Variants in STARD3NL observed in about 807,000 individuals in gnomAD.
STARD3NL encodes the protein STARD3 N-terminal-like protein.
A neutral mutation model predicts 30.9 loss-of-function variants in STARD3NL; 17 were observed. The ratio of observed to expected loss-of-function variants is 0.55; its 90% CI spans 0.38 to 0.82. STARD3NL has a LOEUF of 0.82. STARD3NL is among the 40% of genes least tolerant of loss of function. The probability of loss-of-function intolerance (pLI) is 0.00; values close to 1 mark genes in which losing one functional copy is unlikely to be tolerated. For missense variants in STARD3NL, 234 were observed against 277.6 expected (o/e 0.84, Z 1.12); for synonymous variants, 112 against 100.5 (o/e 1.11, Z -0.69).
intron 7 of STARD3NL, among the ~76,000 whole-genome samples, chr7:38,224,585 G>C (rs1786649776): frequency 6.6e-6 from 1 of 152,166 alleles, no homozygotes; most frequent in South Asian, 2.1e-4. Context: ...GCTTCGTCCT[G>C]TCCAGAACGT....
At chr7:38,223,479 G>A (rs1786581070) in intron 7 of STARD3NL, among the ~76,000 whole-genome samples, 1 of 152,088 alleles carries the variant, frequency 6.6e-6, no homozygotes, top group Non-Finnish European at 1.5e-5. Context: ...CTTAAAATGA[G>A]GAATTGCTCA....
chr7:38,187,509 CTGTGTGG>C (rs769768962), intron 1 of STARD3NL, among the ~76,000 whole-genome samples: 1 of 152,020 alleles, frequency 6.6e-6, no homozygotes, highest in Admixed American at 6.6e-5. Flanking sequence ...TTTTAAATGC[CTGTGTGG>C]TGTTACATTT....
At chr7:38,226,149 CTTGTT>C (rs1256855484) in intron 7 of STARD3NL, among the ~76,000 whole-genome samples, 1 of 51,740 alleles carries the variant, frequency 1.9e-5, no homozygotes, top group Admixed American at 2.2e-4. Flanking sequence ...CTTTGCCTAT[CTTGTT>C]TTTTTTTTTT....
chr7:38,210,598 C>G (rs1232217703), intron 2 of STARD3NL, among the ~76,000 whole-genome samples: 1 of 152,142 alleles, frequency 6.6e-6, no homozygotes, highest in Non-Finnish European at 1.5e-5. Context: ...TCCAAGGCCT[C>G]TTGGTCCACC....
intron 2 of STARD3NL, among the ~76,000 whole-genome samples, chr7:38,210,817 T>C (rs942195994): frequency 2.6e-5 from 4 of 152,234 alleles, no homozygotes. Flanking sequence ...TTATCAATGC[T>C]TAGTGACTTT....
chr7:38,216,119 T>C (rs1786096651), intron 4 of STARD3NL: 1 of 152,222 alleles, frequency 6.6e-6, no homozygotes, highest in African/African-American at 2.4e-5. Context: ...CAGATCCCTT[T>C]GGGATGTTGT....
Position 38,207,330 on chromosome 7 carries a change from A to T in STARD3NL, c.-58-117A>T, listed in dbSNP as rs1583806375. 18 of 592,864 alleles carry T rather than the reference A, an allele frequency of 3.0e-5. No homozygotes were observed. In the East Asian group the frequency reaches 5.0e-4, roughly 17 times the overall value. The allele number at this position is 592,864 out of a possible 1,614,324, so 36.7% of individuals were successfully genotyped here. On this transcript the variant is annotated intron_variant, in intron 1 of 8. Transcript: ENST00000009041. ...CTCTTTATGTCTTCATGAAAACATA[A>T]ATCAGTCAAGGTACTCTGTTGTTCA... is the stretch of plus-strand genomic sequence containing the variant.
intron 1 of STARD3NL, among the ~76,000 whole-genome samples, chr7:38,180,461 A>G (rs1444245794): frequency 6.6e-6 from 1 of 152,202 alleles, no homozygotes; most frequent in Non-Finnish European, 1.5e-5. Context: ...TGGCAAGTGG[A>G]TTATTGTTCT....
rs1009467048 is a variant in STARD3NL at position 38,228,848 on chromosome 7, A to G, written c.699A>G (p.Glu233=). ...EKQDSEKPLL[E]L ...AGGACAGTGAGAAACCACTTTTAGA[A>G]CTATGAGTACTACTTTTGTTAAAGT... Residue 233 remains glutamate (E), a synonymous_variant, in exon 8 of 9, where the codon GAA becomes GAG. Coordinates refer to ENST00000009041, the MANE Select transcript of STARD3NL (RefSeq NM_032016.4). The G allele has an allele frequency of 4.3e-6, 7 of 1,612,064 alleles. No homozygotes were observed. The highest frequency in any genetic ancestry group is 1.1e-5 in the South Asian group (1 of 90,946).
chr7:38,222,752 T>C (rs976741180), intron 7 of STARD3NL, among the ~76,000 whole-genome samples: 4 of 152,204 alleles, frequency 2.6e-5, no homozygotes, highest in Admixed American at 2.6e-4. Context: ...TTTCATGGTG[T>C]TCCACTGTGT....
chr7:38,192,252 A>T (rs1784718087), intron 1 of STARD3NL, among the ~76,000 whole-genome samples: 1 of 152,114 alleles, frequency 6.6e-6, no homozygotes, highest in Non-Finnish European at 1.5e-5. Flanking sequence ...GAATCACAAA[A>T]TCATAAAAGT....
intron 4 of STARD3NL, chr7:38,216,022 C>T (rs1450710951): frequency 1.3e-5 from 2 of 152,240 alleles, no homozygotes; most frequent in Non-Finnish European, 2.9e-5. Flanking sequence ...CTTGGCCAGA[C>T]TTGACTCCCT....
chr7:38,207,417 A>G, intron 1 of STARD3NL, 30 bp from the exon 2 acceptor site: 4 of 1,084,666 alleles, frequency 3.7e-6, no homozygotes, highest in South Asian at 1.5e-5. Flanking sequence ...GCTTGGATTT[A>G]ACATGGTGTC....
In STARD3NL at chr7:38,180,553, A is replaced by G. The variant is rs987893791; in HGVS notation, c.-59+2133A>G. Among the ~76,000 whole-genome samples, 7 of 152,328 alleles carry G rather than the reference A, an allele frequency of 4.6e-5. No homozygotes were observed. In the South Asian group the frequency reaches 6.2e-4, roughly 14 times the overall value. ...ACGATATGCCAGGTATGTTACATAC[A>G]TTCTATTCCTTCCAACTTGTGGCAA... On this transcript the variant is annotated intron_variant, in intron 1 of 8. Transcript: ENST00000009041.
intron 2 of STARD3NL, among the ~76,000 whole-genome samples, chr7:38,211,233 G>A (rs1291334402): frequency 6.6e-6 from 1 of 152,168 alleles, no homozygotes; most frequent in Non-Finnish European, 1.5e-5. Context: ...TGATGACCAA[G>A]TATAATAGAA....
chr7:38,223,290 G>C lies in STARD3NL; in HGVS notation c.649+3630G>C, dbSNP rs148351167. Among the ~76,000 whole-genome samples the C allele has an allele frequency of 2.0e-3, 310 of 152,280 alleles. 2 individuals carry two copies. Among genetic ancestry groups the C allele is most frequent in the African/African-American group, 7.2e-3 (299 of 41,550 alleles). On this transcript the variant is annotated intron_variant, in intron 7 of 8. Coordinates refer to ENST00000009041, the MANE Select transcript of STARD3NL (RefSeq NM_032016.4). Reference sequence around the variant, plus strand: ...GGATATAAAAATAGTTTGTTTGCAGGCTTGCTTGTTGATCAGACCGCATCC... The same window carrying C: ...GGATATAAAAATAGTTTGTTTGCAGCCTTGCTTGTTGATCAGACCGCATCC...
chr7:38,187,633 A>C (rs1328338030), intron 1 of STARD3NL, among the ~76,000 whole-genome samples: 1 of 149,882 alleles, frequency 6.7e-6, no homozygotes, highest in South Asian at 2.1e-4. Flanking sequence ...ACAATTTATT[A>C]GTTTTTTTTT....
chr7:38,197,684 TGTCACATGG>T (rs1372595580), intron 1 of STARD3NL, among the ~76,000 whole-genome samples: 2 of 152,218 alleles, frequency 1.3e-5, no homozygotes, highest in African/African-American at 4.8e-5. Context: ...ATGTTCCTCA[TGTCACATGG>T]GTGCCTTTAG....
chr7:38,218,866 T>C (rs1342614747), intron 6 of STARD3NL, among the ~76,000 whole-genome samples: 1 of 152,242 alleles, frequency 6.6e-6, no homozygotes, highest in Non-Finnish European at 1.5e-5. Context: ...ATATTTGTCA[T>C]CTTGATTGTT....
Sources: gnomAD v4.1 joint callset for allele counts (sites outside exome capture counted in the v4.1 genomes callset) on GRCh38, gnomAD v4.1.1 for gene constraint, MANE v1.5 for transcripts, NCBI Gene and HGNC (gene_info 2026-07-23, HGNC 2026-07-21) for gene names.